The following MANSC1 variants were observed in gnomAD, a reference collection of about 807,000 sequenced individuals.
The protein encoded by MANSC1 is MANSC domain-containing protein 1.
A neutral mutation model predicts 14.1 loss-of-function variants in MANSC1; 13 were observed. The ratio of observed to expected loss-of-function variants is 0.92; its 90% CI spans 0.60 to 1.46. MANSC1 has a LOEUF of 1.46. Ranked by LOEUF, MANSC1 falls within the 40% of genes most tolerant of loss-of-function variation. The pLI is 0.00. For missense variants in MANSC1, 486 were observed against 511.4 expected (o/e 0.95, Z 0.48); for synonymous variants, 227 against 200.7 (o/e 1.13, Z -1.11).
At chr12:12,344,155 T>C (rs559335463) in intron 1 of MANSC1, among the ~76,000 whole-genome samples, 9 of 151,986 alleles carry the variant, frequency 5.9e-5, no homozygotes, top group African/African-American at 2.2e-4. Context: ...ATATACTAGA[T>C]GGTAGACATT....
chr12:12,330,809 G>A lies in MANSC1; in HGVS notation c.514C>T (p.Leu172Phe), dbSNP rs370252038. 8.7e-6 allele frequency: 14 copies of A among 1,614,098 alleles called. No individual in the cohort carries two copies. The highest frequency in any genetic ancestry group is 1.2e-5 in the Non-Finnish European group (14 of 1,179,958). The change falls in exon 4 of 4, where the codon CTT becomes TTT. Residue 172 changes from leucine to phenylalanine, a missense_variant. By Grantham distance (22) the Leu-to-Phe change is conservative (BLOSUM62 0). Transcript: ENST00000535902. ...TCTGAGGATCCAAACTTCTGAGAAA[G>A]TGTGTCTCTCCATGAGATATCGGTG... ...KPTDISWRDT[L>F]SQKFGSSDHL...
In MANSC1 at chr12:12,342,387, T is replaced by C. The variant is rs891792896; in HGVS notation, c.223+705A>G. 3.9e-5 allele frequency among the ~76,000 whole-genome samples: 6 copies of C among 152,166 alleles called. 1 individual carries two copies. The highest frequency in any genetic ancestry group is 6.8e-3 in the Middle Eastern group (2 of 294). ...AACTCGGACAGGGTCATAAGTAAAA[T>C]TGAAAAAAGGTTTTACTAAAATACA... On this transcript the variant is annotated intron_variant, in intron 2 of 3. Transcript: ENST00000535902.
At chr12:12,344,865 T>A (rs1437307801) in intron 1 of MANSC1, among the ~76,000 whole-genome samples, 1 of 136,508 alleles carries the variant, frequency 7.3e-6, no homozygotes, top group East Asian at 2.3e-4. Context: ...AGCCTGCAGA[T>A]GGCCTATTGT....
At position 12,343,390 on chromosome 12, in the gene MANSC1, G is replaced by T; in HGVS notation, c.-76C>A. On this transcript the variant is annotated 5_prime_UTR_variant, in exon 2 of 4. Coordinates refer to ENST00000535902, the MANE Select transcript of MANSC1 (RefSeq NM_018050.4). ...TCTGGTCTTAGTTTGCTTTAAGAAGGCTGCACAGATGATGAGATTTCTCTC... is the reference window on the plus strand; with the variant it reads ...TCTGGTCTTAGTTTGCTTTAAGAAGTCTGCACAGATGATGAGATTTCTCTC... 2 of 953,486 alleles carry T rather than the reference G, an allele frequency of 2.1e-6. No homozygotes were observed. The highest frequency in any genetic ancestry group is 1.6e-6 in the Non-Finnish European group (1 of 615,380). 59.1% of individuals were successfully genotyped at this position (953,486 alleles called of 1,614,324 possible).
intron 1 of MANSC1, among the ~76,000 whole-genome samples, chr12:12,345,584 T>C (rs761038618): frequency 2.4e-4 from 37 of 152,176 alleles, no homozygotes; most frequent in Non-Finnish European, 4.0e-4. Flanking sequence ...GCTGGTTCTT[T>C]TAGGAAAAAT....
intron 3 of MANSC1, among the ~76,000 whole-genome samples, chr12:12,337,138 A>G (rs1036193850): frequency 1.3e-5 from 2 of 148,330 alleles, no homozygotes; most frequent in South Asian, 2.1e-4. Flanking sequence ...ATAGCTGGGC[A>G]TGGTAGTGGG....
chr12:12,329,455 T>C lies in MANSC1; in HGVS notation c.*572A>G, dbSNP rs756261982. The stretch of plus-strand genomic sequence containing the variant: ...ACCTGTTTCTTTGCATAAAAGCCAG[T>C]TGAATTTTGAAATTTATATGGCAAT... On this transcript the variant is annotated 3_prime_UTR_variant, in exon 4 of 4. Transcript: ENST00000535902. 3 of 152,298 alleles carry C rather than the reference T, an allele frequency of 2.0e-5. No homozygotes were observed. Among genetic ancestry groups the C allele is most frequent in the Non-Finnish European group, 4.4e-5 (3 of 68,090 alleles). 9.4% of individuals were successfully genotyped at this position (152,298 alleles called of 1,614,324 possible).
At position 12,330,155 on chromosome 12, in the gene MANSC1, G is replaced by A. The variant is rs943964206; in HGVS notation, c.1168C>T (p.Leu390=). 13 of 1,614,062 alleles carry A rather than the reference G, an allele frequency of 8.1e-6. No individual in the cohort carries two copies. Among genetic ancestry groups the A allele is most frequent in the Non-Finnish European group, 1.1e-5 (13 of 1,180,052 alleles). Residue 390 remains leucine, a synonymous_variant, in exon 4 of 4, where the codon CTG becomes TTG. Coordinates refer to ENST00000535902, the MANE Select transcript of MANSC1 (RefSeq NM_018050.4). ...ACCAGGAACAGGACACCAAAGAGCA[G>A]GGACCCGATAAGAAGCCATTTTTCA... The part of the protein sequence containing the change: ...PFEKWLLIGS[L]LFGVLFLVIG...
rs1168702878 is a variant in MANSC1, at chr12:12,326,217, C to G, written c.*3810G>C. 6.6e-6 allele frequency: 1 copy of G among 152,222 alleles called. No individual in the cohort carries two copies. The highest frequency in any genetic ancestry group is 1.5e-5 in the Non-Finnish European group (1 of 68,060). 9.4% of individuals were successfully genotyped at this position (152,222 alleles called of 1,614,324 possible). A position where few individuals can be genotyped will look rare whatever the true frequency, so the allele number is the denominator to read the frequency against. On this transcript the variant is annotated 3_prime_UTR_variant, in exon 4 of 4. Transcript: ENST00000535902. ...GCAGTGCCTTCTCCCCTCATCATGG[C>G]AGGGAGGCCACCACAGCTCCAACAA...
intron 3 of MANSC1, among the ~76,000 whole-genome samples, chr12:12,337,199 G>A (rs1862869803): frequency 6.6e-6 from 1 of 151,784 alleles, no homozygotes; most frequent in South Asian, 2.1e-4. Flanking sequence ...ATTGCTTGAA[G>A]CCAGGAGGTG....
chr12:12,331,023 T>A, intron 3 of MANSC1, 65 bp from the exon 4 acceptor site: 1 of 1,017,672 alleles, frequency 9.8e-7, no homozygotes, highest in Non-Finnish European at 1.5e-6. Context: ...GTTAAAAAAA[T>A]ACAAACATAT....
intron 3 of MANSC1, among the ~76,000 whole-genome samples, chr12:12,334,599 G>C (rs1862834241): frequency 6.6e-6 from 1 of 152,166 alleles, no homozygotes; most frequent in Non-Finnish European, 1.5e-5. Flanking sequence ...CACAAGAACA[G>C]TTTAATTCTA....
At chr12:12,339,541 T>G (rs1003874820) in intron 2 of MANSC1, among the ~76,000 whole-genome samples, 3 of 152,140 alleles carry the variant, frequency 2.0e-5, no homozygotes, top group African/African-American at 7.2e-5. Flanking sequence ...GTGCTGGGAT[T>G]ACAGGTGTAA....
intron 2 of MANSC1, among the ~76,000 whole-genome samples, chr12:12,342,809 G>A (rs1247282017): frequency 6.6e-6 from 1 of 151,920 alleles, no homozygotes; most frequent in Non-Finnish European, 1.5e-5. Flanking sequence ...ATTTCAATAG[G>A]ATTTTTGTTT....
chr12:12,349,364 C>G (rs1863047765), intron 1 of MANSC1, among the ~76,000 whole-genome samples: 1 of 152,126 alleles, frequency 6.6e-6, no homozygotes, highest in South Asian at 2.1e-4. Context: ...TGCAAAGAAA[C>G]CTGAACTATG....
intron 3 of MANSC1, among the ~76,000 whole-genome samples, chr12:12,334,809 T>C (rs1306167737): frequency 6.6e-6 from 1 of 152,184 alleles, no homozygotes; most frequent in Non-Finnish European, 1.5e-5. Flanking sequence ...AACAATTATT[T>C]ACACAATACT....
chr12:12,327,392 C>T lies in MANSC1; in HGVS notation c.*2635G>A, dbSNP rs919006654. ...AGTAGAGAGAGCTGTGTGAGAAGAG[C>T]ACTCTTTCCACTCCAGATGTCCCCT... is the stretch of plus-strand genomic sequence containing the variant. On this transcript the variant is annotated 3_prime_UTR_variant, in exon 4 of 4. Coordinates refer to ENST00000535902, the MANE Select transcript of MANSC1 (RefSeq NM_018050.4). 1.3e-5 allele frequency: 2 copies of T among 152,248 alleles called. No individual in the cohort carries two copies. The highest frequency in any genetic ancestry group is 4.8e-5 in the African/African-American group (2 of 41,444). The allele number at this position is 152,248 out of a possible 1,614,324, so 9.4% of individuals were successfully genotyped here.
rs111738468 is a variant in MANSC1, at chr12:12,338,564, C to A, written c.224-4G>T. 40 of 1,609,104 alleles carry A rather than the reference C, an allele frequency of 2.5e-5. 1 individual carries two copies. The African/African-American group carries it at 2.9e-4, about 12-fold the overall frequency. ...ATCAAGTTACATGCTTTGTCCCCTG[C>A]AATGAAAGGTTTCATAAGCATGATT... On this transcript the variant is annotated splice_polypyrimidine_tract_variant and splice_region_variant and intron_variant, in intron 2 of 3. Coordinates refer to ENST00000535902, the MANE Select transcript of MANSC1 (RefSeq NM_018050.4).
intron 2 of MANSC1, among the ~76,000 whole-genome samples, chr12:12,340,565 G>A (rs1232531659): frequency 1.3e-5 from 2 of 152,192 alleles, no homozygotes; most frequent in East Asian, 3.8e-4. Flanking sequence ...CATTTTTCTA[G>A]AGTATCATCG....
Sources: gnomAD v4.1 joint callset for allele counts (sites outside exome capture counted in the v4.1 genomes callset) on GRCh38, gnomAD v4.1.1 for gene constraint, MANE v1.5 for transcripts, NCBI Gene and HGNC (gene_info 2026-07-23, HGNC 2026-07-21) for gene names.